The following SESN1 variants were observed in gnomAD, a reference collection of about 807,000 sequenced individuals.
SESN1 encodes the protein sestrin-1.
In SESN1, 30 loss-of-function variants were observed where a neutral mutation model predicts 59.3. The ratio of observed to expected loss-of-function variants is 0.51; its 90% CI spans 0.38 to 0.69. SESN1 has a LOEUF of 0.69. SESN1 is among the 30% of genes least tolerant of loss of function. The pLI, the probability that SESN1 is intolerant of heterozygous loss-of-function variation, is 0.00. For synonymous variants in SESN1, 197 were observed against 219.9 expected, an observed-to-expected ratio of 0.90 and a Z score of 0.92; for missense variants, 566 against 673.0, an observed-to-expected ratio of 0.84 and a Z score of 1.76.
chr6:108,993,030 C>A, intron 6 of SESN1, 131 bp from the exon 7 acceptor site: 1 of 606,324 alleles, frequency 1.6e-6, no homozygotes, highest in South Asian at 2.1e-5. Context: ...AGTAGTCTTA[C>A]AATTATACAA....
intron 1 of SESN1, among the ~76,000 whole-genome samples, chr6:109,032,611 T>C (rs891274841): frequency 2.1e-5 from 3 of 145,132 alleles, no homozygotes; most frequent in Admixed American, 6.7e-5. Flanking sequence ...GAGCAAGACT[T>C]CATCTCGTGG....
intron 1 of SESN1, among the ~76,000 whole-genome samples, chr6:109,031,392 A>T (rs1441163795): frequency 6.6e-6 from 1 of 152,144 alleles, no homozygotes; most frequent in Non-Finnish European, 1.5e-5. Context: ...TAGTGCTACC[A>T]TTCCACCTCC....
At chr6:109,048,300 G>C (rs1276198443) in intron 1 of SESN1, among the ~76,000 whole-genome samples, 1 of 152,142 alleles carries the variant, frequency 6.6e-6, no homozygotes, top group Non-Finnish European at 1.5e-5. Context: ...TGAATAGTTT[G>C]AGGAGCCACC....
intron 1 of SESN1, among the ~76,000 whole-genome samples, chr6:109,080,966 C>T (rs1781111865): frequency 6.6e-6 from 1 of 151,962 alleles, no homozygotes; most frequent in Non-Finnish European, 1.5e-5. Flanking sequence ...ATATATAAAA[C>T]AGATATATTT....
chr6:109,008,680 T>G, intron 1 of SESN1: 1 of 649,120 alleles, frequency 1.5e-6, no homozygotes, highest in Non-Finnish European at 1.9e-6. Flanking sequence ...TAAGGTTACA[T>G]TAGTAACTTT....
intron 1 of SESN1, among the ~76,000 whole-genome samples, chr6:109,024,698 C>T (rs1423052386): frequency 6.6e-6 from 1 of 152,198 alleles, no homozygotes; most frequent in Non-Finnish European, 1.5e-5. Context: ...CATTAGCCTA[C>T]AGTTGGGCAA....
rs1238493174 is a variant in SESN1 at position 109,011,497 on chromosome 6, AG to A, written c.280-9155del. Among the ~76,000 whole-genome samples, 19 of 152,316 alleles carry A rather than the reference AG, an allele frequency of 1.2e-4. No homozygotes were observed. The South Asian group carries it at 3.7e-3, about 30-fold the overall frequency. Reference sequence around the variant, plus strand: ...AAAGACTGACCTAAATTCCTCAAAGAGTACTAATTTCTTGTTCTCTGCTATA... The same window carrying A: ...AAAGACTGACCTAAATTCCTCAAAGATACTAATTTCTTGTTCTCTGCTATA... On this transcript the variant is annotated intron_variant, in intron 1 of 9. Transcript: ENST00000436639.
At chr6:108,998,374 A>T in intron 5 of SESN1, 139 bp downstream of exon 5, 1 of 915,838 alleles carries the variant, frequency 1.1e-6, no homozygotes, top group Non-Finnish European at 1.6e-6. Flanking sequence ...ATAAAACCCT[A>T]CTGAATGAAT....
intron 1 of SESN1, among the ~76,000 whole-genome samples, chr6:109,024,196 A>G (rs1023200067): frequency 9.8e-4 from 149 of 152,166 alleles, no homozygotes; most frequent in Non-Finnish European, 5.1e-4. Flanking sequence ...AAAACCCTTC[A>G]CCTGCCTCTC....
chr6:108,992,734 A>C, intron 7 of SESN1, 53 bp downstream of exon 7: 7 of 1,142,680 alleles, frequency 6.1e-6, no homozygotes, highest in Non-Finnish European at 1.3e-6. Context: ...TTGTATTTTA[A>C]GTCAGACTGA....
In SESN1 at chr6:108,988,529, C is replaced by A; in HGVS notation, c.1569+14G>T. ...GCTAAGTTACAAAGTAAATAAGCCA[C>A]AATAGGCACATACCTTCTCAGAGTG... On this transcript the variant is annotated intron_variant, in intron 9 of 9. Transcript: ENST00000436639. 1 of 1,593,428 alleles carries A rather than the reference C, an allele frequency of 6.3e-7. No individual in the cohort carries two copies. Among genetic ancestry groups the A allele is most frequent in the South Asian group, 1.2e-5 (1 of 86,854 alleles).
rs755797113 is a variant in SESN1 at position 108,996,043 on chromosome 6, G to A, written c.973-1434C>T. ...CAATCATAATTTATAATTGTTACTC[G>A]CATGATATTGATTTAATGCAGGCTC... On this transcript the variant is annotated intron_variant, in intron 5 of 9. Coordinates refer to ENST00000436639, the MANE Select transcript of SESN1 (RefSeq NM_014454.3). Among the ~76,000 whole-genome samples, 5 of 151,970 alleles carry A rather than the reference G, an allele frequency of 3.3e-5. No individual in the cohort carries two copies. The East Asian group carries it at 5.8e-4, about 18-fold the overall frequency.
At chr6:109,025,517 T>A (rs1780077721) in intron 1 of SESN1, among the ~76,000 whole-genome samples, 1 of 150,000 alleles carries the variant, frequency 6.7e-6, no homozygotes, top group East Asian at 2.0e-4. Flanking sequence ...TCAGATGCAG[T>A]CTGACTGCCA....
intron 1 of SESN1, among the ~76,000 whole-genome samples, chr6:109,032,759 C>T (rs1189673779): frequency 5.3e-5 from 8 of 151,990 alleles, no homozygotes; most frequent in Non-Finnish European, 1.2e-4. Context: ...TTTTGTCTAC[C>T]CAAGCCCCTT....
intron 1 of SESN1, among the ~76,000 whole-genome samples, chr6:109,014,222 G>T (rs1779900503): frequency 6.6e-6 from 1 of 152,016 alleles, no homozygotes; most frequent in African/African-American, 2.4e-5. Flanking sequence ...AAATTTAAAA[G>T]TTGCTTTTAC....
chr6:109,074,327 C>T (rs1780992437), intron 1 of SESN1, among the ~76,000 whole-genome samples: 1 of 152,020 alleles, frequency 6.6e-6, no homozygotes, highest in Non-Finnish European at 1.5e-5. Context: ...TTAAAATATA[C>T]ATTAAAAATA....
At chr6:109,036,586 A>G (rs1005866784) in intron 1 of SESN1, among the ~76,000 whole-genome samples, 3 of 152,240 alleles carry the variant, frequency 2.0e-5, no homozygotes, top group Non-Finnish European at 2.9e-5. Flanking sequence ...CTTAACTGTG[A>G]CAAGTAGTTC....
At chr6:109,073,593 T>A (rs1193990065) in intron 1 of SESN1, among the ~76,000 whole-genome samples, 2 of 152,158 alleles carry the variant, frequency 1.3e-5, no homozygotes, top group East Asian at 3.8e-4. Flanking sequence ...AGCTGAGAAT[T>A]AGGAGTAAAT....
intron 1 of SESN1, among the ~76,000 whole-genome samples, chr6:109,058,115 C>T (rs186597371): frequency 2.4e-4 from 37 of 152,016 alleles, no homozygotes; most frequent in Middle Eastern, 3.4e-3. Context: ...GGCAGGGCCT[C>T]GCTCTGTTGC....
Sources: gnomAD v4.1 joint callset for allele counts (sites outside exome capture counted in the v4.1 genomes callset) on GRCh38, gnomAD v4.1.1 for gene constraint, MANE v1.5 for transcripts, NCBI Gene and HGNC (gene_info 2026-07-23, HGNC 2026-07-21) for gene names.